Variants in PREX1 observed in about 807,000 individuals in gnomAD.
PREX1 encodes the protein phosphatidylinositol 3,4,5-trisphosphate-dependent Rac exchanger 1 protein.
A neutral mutation model predicts 198.3 loss-of-function variants in PREX1; 41 were observed. That is an observed-to-expected ratio of 0.21 (90% confidence interval 0.16 to 0.27). PREX1 has a LOEUF of 0.27. PREX1 is among the 10% of genes least tolerant of loss of function. The pLI, the probability that PREX1 is intolerant of heterozygous loss-of-function variation, is 1.00. For synonymous variants in PREX1, 843 were observed against 887.2 expected (o/e 0.95, Z 0.89); for missense variants, 1,620 against 2,200.7 (o/e 0.74, Z 5.28).
intron 7 of PREX1, 120 bp from the exon 8 acceptor site, chr20:48,692,910 G>C: frequency 1.2e-6 from 1 of 814,980 alleles, no homozygotes; most frequent in Non-Finnish European, 2.1e-6. Flanking sequence ...GGAGCCCCAG[G>C]TAGGGGTCAG....
At chr20:48,834,635 C>CT in the PREX1 span, among the ~76,000 whole-genome samples, 3 of 152,168 alleles carry the variant, frequency 2.0e-5, no homozygotes, top group Admixed American at 2.0e-4. Flanking sequence ...TCACAGCTCA[C>CT]TGCAGCCTCA....
rs114846854 is a variant in PREX1 at position 48,801,046 on chromosome 20, T to C, written c.219+26596A>G. On this transcript the variant is annotated intron_variant, in intron 1 of 39. Coordinates refer to ENST00000371941, the MANE Select transcript of PREX1 (RefSeq NM_020820.4). ...GGGTAACCTTTGGAGAGTTCCTGCC[T>C]ATCACCAGGATAAAATGGGGATAAT... Among the ~76,000 whole-genome samples, 846 of 152,294 alleles carry C rather than the reference T, an allele frequency of 5.6e-3. 5 individuals carry two copies. The highest frequency in any genetic ancestry group is 0.02 in the African/African-American group (812 of 41,546).
rs572684656 is a variant in PREX1 at position 48,776,471 on chromosome 20, G to A, written c.220-28591C>T. Among the ~76,000 whole-genome samples the A allele has an allele frequency of 6.7e-4, 102 of 152,312 alleles. 1 individual carries two copies. Among genetic ancestry groups the A allele is most frequent in the African/African-American group, 1.9e-3 (79 of 41,562 alleles). On this transcript the variant is annotated intron_variant, in intron 1 of 39. Transcript: ENST00000371941. ...CAGCTGGACTCCTTGGCAACCAGCC[G>A]CTGGAGCCTGGAAGCCAGGCATCAC...
intron 15 of PREX1, among the ~76,000 whole-genome samples, chr20:48,663,909 C>T (rs561873208): frequency 1.4e-4 from 20 of 146,980 alleles, no homozygotes; most frequent in Non-Finnish European, 2.5e-4. Flanking sequence ...TGTGAGTGCG[C>T]GCACACACAC....
chr20:48,775,568 T>C (rs996369779), intron 1 of PREX1, among the ~76,000 whole-genome samples: 3 of 152,056 alleles, frequency 2.0e-5, no homozygotes, highest in Non-Finnish European at 4.4e-5. Context: ...CAGGGGGTGA[T>C]ATGGTTTGGC....
intron 5 of PREX1, among the ~76,000 whole-genome samples, chr20:48,720,489 G>A (rs2089980245): frequency 6.6e-6 from 1 of 151,942 alleles, no homozygotes; most frequent in Admixed American, 6.5e-5. Context: ...AAACACTGCA[G>A]CACCAACCGT....
At chr20:48,685,107 T>C (rs538889876) in intron 10 of PREX1, among the ~76,000 whole-genome samples, 3 of 152,350 alleles carry the variant, frequency 2.0e-5, no homozygotes, top group South Asian at 4.1e-4. Flanking sequence ...TCCTCTTCTG[T>C]TGTCTGATTT....
At chr20:48,688,582 G>A (rs2089798798) in intron 10 of PREX1, 75 bp downstream of exon 10, 2 of 1,586,052 alleles carry the variant, frequency 1.3e-6, no homozygotes, top group East Asian at 4.5e-5. Flanking sequence ...AGGCTGCATG[G>A]GTGGATGGGG....
chr20:48,711,575 C>G (rs2089931007), intron 5 of PREX1, among the ~76,000 whole-genome samples: 1 of 152,108 alleles, frequency 6.6e-6, no homozygotes, highest in Admixed American at 6.5e-5. Context: ...TGAGTCCAAC[C>G]CATCACCCGT....
At chr20:48,789,520 G>A (rs773001374) in intron 1 of PREX1, among the ~76,000 whole-genome samples, 7 of 152,184 alleles carry the variant, frequency 4.6e-5, no homozygotes, top group Non-Finnish European at 1.0e-4. Context: ...ATAAGGGAGC[G>A]GAGTCACCTG....
intron 1 of PREX1, among the ~76,000 whole-genome samples, chr20:48,806,691 G>C (rs992193338): frequency 6.6e-6 from 1 of 152,156 alleles, no homozygotes; most frequent in Non-Finnish European, 1.5e-5. Context: ...TAACATACCA[G>C]CGCCTCTCAG....
chr20:48,632,740 G>T, intron 33 of PREX1, 101 bp from the exon 34 acceptor site: 1 of 1,345,598 alleles, frequency 7.4e-7, no homozygotes, highest in Non-Finnish European at 1.0e-6. Context: ...CTGCCCCCAG[G>T]TCCAGGGGGG....
At chr20:48,810,423 A>C (rs1035094893) in intron 1 of PREX1, among the ~76,000 whole-genome samples, 1 of 151,968 alleles carries the variant, frequency 6.6e-6, no homozygotes, top group Non-Finnish European at 1.5e-5. Context: ...ATCTCTAAAA[A>C]AAATTTTTTA....
Position 48,734,546 on chromosome 20 carries a change from C to T in PREX1, c.519G>A (p.Leu173=), listed in dbSNP as rs370938889. 114 of 1,613,544 alleles carry T rather than the reference C, an allele frequency of 7.1e-5. No homozygotes were observed. The highest frequency in any genetic ancestry group is 8.5e-6 in the Non-Finnish European group (10 of 1,179,656). Residue 173 remains leucine (L), a splice_region_variant and synonymous_variant, in exon 4 of 40, where the codon TTG becomes TTA. Transcript: ENST00000371941. The part of the protein sequence containing the change: ...NKIPTVRAFL[L]SCMLLGGRKT... ...CACCAGGGCTGACGGGTCAACTTACCAAAAGGAAGGCGCGCACGGTAGGGA... is the reference window on the plus strand; with the variant it reads ...CACCAGGGCTGACGGGTCAACTTACTAAAAGGAAGGCGCGCACGGTAGGGA...
chr20:48,825,398 A>G (rs894104993), intron 1 of PREX1, among the ~76,000 whole-genome samples: 9 of 152,244 alleles, frequency 5.9e-5, no homozygotes, highest in African/African-American at 2.2e-4. Flanking sequence ...GTCAGAACCA[A>G]TTCATCTCAG....
intron 15 of PREX1, among the ~76,000 whole-genome samples, chr20:48,665,095 G>A (rs572803144): frequency 3.5e-4 from 50 of 141,090 alleles, no homozygotes; most frequent in Non-Finnish European, 5.7e-4. Context: ...TTCTAATCCC[G>A]GCTCCAGACG....
At chr20:48,652,179 C>T (rs1296996121) in intron 21 of PREX1, among the ~76,000 whole-genome samples, 1 of 152,204 alleles carries the variant, frequency 6.6e-6, no homozygotes, top group African/African-American at 2.4e-5. Flanking sequence ...CACCTGTAAT[C>T]CCAGCACTCT....
At chr20:48,714,766 G>A (rs2089954124) in intron 5 of PREX1, among the ~76,000 whole-genome samples, 1 of 152,168 alleles carries the variant, frequency 6.6e-6, no homozygotes, top group African/African-American at 2.4e-5. Flanking sequence ...TCAGTTATGT[G>A]AGCCTATTTA....
chr20:48,788,881 G>C (rs1003315693), intron 1 of PREX1, among the ~76,000 whole-genome samples: 2 of 152,156 alleles, frequency 1.3e-5, no homozygotes, highest in Admixed American at 1.3e-4. Context: ...CTGAGCTGGC[G>C]TGTTAGTGTG....
Sources: allele counts gnomAD v4.1 joint callset (sites outside exome capture counted in the v4.1 genomes callset), GRCh38; gene constraint gnomAD v4.1.1; transcripts MANE v1.5; gene names NCBI Gene and HGNC (gene_info 2026-07-23, HGNC 2026-07-21).